The following TP53I13 variants were observed in gnomAD, a reference collection of about 807,000 sequenced individuals.
TP53I13 encodes tumor protein p53 inducible protein 13, also known as tumor protein p53-inducible protein 13.
TP53I13 carries 27 observed loss-of-function variants against 39.1 expected under a neutral mutation model. The observed-to-expected ratio is 0.69, with a 90% CI of 0.51 to 0.95. TP53I13 has a LOEUF of 0.95. Ranked by LOEUF, TP53I13 falls within the 40% of genes least tolerant of loss-of-function variation. The probability of loss-of-function intolerance (pLI) is 0.00; values close to 1 mark genes in which losing one functional copy is unlikely to be tolerated. For synonymous variants in TP53I13, 230 were observed against 224.6 expected (o/e 1.02, Z -0.22); for missense variants, 544 against 520.4 (o/e 1.05, Z -0.44).
chr17:29,576,473 AC>A (rs777080313), downstream of TP53I13: 1 of 1,612,220 alleles, frequency 6.2e-7, no homozygotes, highest in South Asian at 1.1e-5. Flanking sequence ...AGTGCTGTCA[AC>A]CCCCTGGAGT....
intron 2 of TP53I13, 32 bp from the exon 3 acceptor site, chr17:29,569,286 T>A (rs781641974): frequency 1.2e-6 from 2 of 1,610,674 alleles, no homozygotes; most frequent in South Asian, 2.2e-5. Context: ...GTCCCCCAAC[T>A]GCCCTAAGCT....
chr17:29,568,736 G>A lies in TP53I13; in HGVS notation c.-23G>A. The stretch of plus-strand genomic sequence containing the variant: ...TCGCTGGCGGAGCGGCTGGGCGGCG[G>A]GCCGGGCCCGGGGCCGCTTGGAATG... On this transcript the variant is annotated 5_prime_UTR_variant, in exon 1 of 7. Transcript: ENST00000301057. This position sits in a 1 kb window ranked among gnomAD's most constrained non-coding sequence, Gnocchi z 4.5. 6.7e-7 allele frequency: 1 copy of A among 1,496,952 alleles called. No homozygotes were observed. The highest frequency in any genetic ancestry group is 8.8e-7 in the Non-Finnish European group (1 of 1,131,466). 92.7% of individuals were successfully genotyped at this position (1,496,952 alleles called of 1,614,324 possible).
intron 3 of TP53I13, chr17:29,571,080 T>G: frequency 6.4e-6 from 1 of 155,208 alleles, no homozygotes; most frequent in Non-Finnish European, 1.4e-5. Flanking sequence ...CAGGAGTTCT[T>G]TGGCATCTCC....
upstream of TP53I13, chr17:29,567,059 G>C (rs931600300): frequency 1.8e-6 from 2 of 1,088,458 alleles, no homozygotes; most frequent in African/African-American, 1.7e-5. This position sits in a 1 kb window ranked among gnomAD's most constrained non-coding sequence, Gnocchi z 6.6. Context: ...CGCCGGCGGC[G>C]GCTGCCCAGG....
At chr17:29,566,993 AGCGGGCG>A, upstream of TP53I13, 1 of 1,287,570 alleles carries the variant, frequency 7.8e-7, no homozygotes, top group Non-Finnish European at 9.8e-7. Context: ...CCCGGCGGGC[AGCGGGCG>A]GCGGGGCCGT....
chr17:29,573,057 T>C lies in TP53I13; in HGVS notation c.*133T>C, dbSNP rs948368416. On this transcript the variant is annotated 3_prime_UTR_variant, in exon 7 of 7. Coordinates refer to ENST00000301057, the MANE Select transcript of TP53I13 (RefSeq NM_138349.4). ...CACTGGCCGAGCACTGCGGGGGCTT[T>C]CCTCCTTGTTGGTTGCTGAGTGGGC... The C allele has an allele frequency of 2.9e-6, 2 of 693,922 alleles. No homozygotes were observed. The highest frequency in any genetic ancestry group is 3.8e-5 in the African/African-American group (2 of 52,778). 43.0% of individuals were successfully genotyped at this position (693,922 alleles called of 1,614,324 possible). A position where few individuals can be genotyped will look rare whatever the true frequency, so the allele number is the denominator to read the frequency against.
downstream of TP53I13, chr17:29,575,299 G>A (rs762565788): frequency 5.0e-6 from 8 of 1,611,688 alleles, no homozygotes; most frequent in South Asian, 7.7e-5. The surrounding 1 kb of genome is among the most constrained non-coding windows in gnomAD (Gnocchi z 5.5). Context: ...TGTCATGCTT[G>A]AACTCCTGGG....
At chr17:29,574,682 T>G (rs1201042162), downstream of TP53I13, 2 of 1,584,204 alleles carry the variant, frequency 1.3e-6, no homozygotes, top group Non-Finnish European at 1.7e-6. Context: ...AGGGTGCAGG[T>G]GAGGGTGTGG....
At chr17:29,569,212 C>A in intron 2 of TP53I13, 106 bp from the exon 3 acceptor site, 1 of 1,489,372 alleles carries the variant, frequency 6.7e-7, no homozygotes, top group Non-Finnish European at 9.2e-7. Context: ...CCTCAGTAGC[C>A]AACTTCTCCA....
chr17:29,576,471 C>T (rs372035273), downstream of TP53I13: 702 of 1,612,878 alleles, frequency 4.4e-4, 2 homozygotes, highest in Non-Finnish European at 5.7e-4. Context: ...AAAGTGCTGT[C>T]AACCCCCTGG....
chr17:29,571,198 C>G, intron 3 of TP53I13: 1 of 194,286 alleles, frequency 5.1e-6, no homozygotes, highest in Non-Finnish European at 1.1e-5. Context: ...CCTGCCTGCC[C>G]TGTATTTGGA....
Position 29,572,580 on chromosome 17 carries a change from A to G in TP53I13, c.952A>G (p.Thr318Ala). The G allele has an allele frequency of 6.3e-7, 1 of 1,596,326 alleles. No homozygotes were observed. The highest frequency in any genetic ancestry group is 8.5e-7 in the Non-Finnish European group (1 of 1,172,266). Residue 318 changes from threonine (T) to alanine (A), a missense_variant, in exon 6 of 7, where the codon ACC (threonine) becomes GCC (alanine). Coordinates refer to ENST00000301057, the MANE Select transcript of TP53I13 (RefSeq NM_138349.4). Reference protein sequence around the residue: ...EEAAWAAMALTFLLVLLTLAT... With the variant: ...EEAAWAAMALAFLLVLLTLAT... ...GGCCGCCTGGGCTGCCATGGCCCTG[A>G]CCTTCCTGCTGGTGCTGCTCACCCT...
At chr17:29,575,589 G>C (rs376133502), downstream of TP53I13, 5 of 1,591,310 alleles carry the variant, frequency 3.1e-6, no homozygotes, top group Admixed American at 1.7e-5. This position sits in a 1 kb window ranked among gnomAD's most constrained non-coding sequence, Gnocchi z 5.5. Context: ...TCCCCGCCTC[G>C]GCATGTGAGC....
intron 3 of TP53I13, 90 bp downstream of exon 3, chr17:29,569,449 C>T: frequency 1.5e-6 from 2 of 1,315,520 alleles, no homozygotes. Flanking sequence ...TGCTGATCGG[C>T]CCCATTCCTT....
chr17:29,569,377 C>A lies in TP53I13; in HGVS notation c.183+18C>A. 6.2e-7 allele frequency: 1 copy of A among 1,612,828 alleles called. No homozygotes were observed. Among genetic ancestry groups the A allele is most frequent in the South Asian group, 1.1e-5 (1 of 90,880 alleles). ...CAGGGCAGGTGAGTACAAGCAGGGG[C>A]CCACCACCCTTGGTGTCCACGCCTG... On this transcript the variant is annotated intron_variant, in intron 3 of 6. Coordinates refer to ENST00000301057, the MANE Select transcript of TP53I13 (RefSeq NM_138349.4).
downstream of TP53I13, chr17:29,576,060 C>G: frequency 6.2e-7 from 1 of 1,612,594 alleles, no homozygotes; most frequent in East Asian, 2.2e-5. Context: ...AAGATGGACA[C>G]GCCTTCCCCA....
chr17:29,576,575 G>A (rs1372887268), downstream of TP53I13: 3 of 1,613,924 alleles, frequency 1.9e-6, no homozygotes, highest in African/African-American at 2.7e-5. Flanking sequence ...ACCTTCATGA[G>A]CTGCTGCACC....
chr17:29,578,228 G>T, the TP53I13 span: 2 of 1,267,146 alleles, frequency 1.6e-6, no homozygotes, highest in Non-Finnish European at 2.3e-6. Flanking sequence ...TCTTAGCCCA[G>T]TAAAGGACCA....
chr17:29,571,394 G>T (rs893507794), intron 3 of TP53I13, 197 bp from the exon 4 acceptor site: 6 of 635,966 alleles, frequency 9.4e-6, no homozygotes, highest in Admixed American at 3.0e-5. Context: ...TGGAGAGGAA[G>T]GGTGAAAGGA....
Sources: allele counts gnomAD v4.1 joint callset, GRCh38; gene constraint gnomAD v4.1.1; non-coding constraint Gnocchi (gnomAD v3.1); transcripts MANE v1.5; gene names NCBI Gene and HGNC (gene_info 2026-07-23, HGNC 2026-07-21).